The following ST6GAL2 variants were observed in gnomAD, a reference collection of about 807,000 sequenced individuals.
ST6GAL2 encodes the protein ST6 beta-galactoside alpha-2,6-sialyltransferase 2.
Under a neutral mutation model 37.5 loss-of-function variants are expected in ST6GAL2, and 24 were observed. The ratio of observed to expected loss-of-function variants is 0.64; its 90% CI spans 0.46 to 0.90. The LOEUF (loss-of-function observed/expected upper bound fraction) is 0.90. ST6GAL2 is among the 40% of genes least tolerant of loss of function. The pLI is 0.00. For missense variants in ST6GAL2, 715 were observed against 712.7 expected, an observed-to-expected ratio of 1.00 and a Z score of -0.04; for synonymous variants, 306 against 295.1, an observed-to-expected ratio of 1.04 and a Z score of -0.38.
intron 1 of ST6GAL2, among the ~76,000 whole-genome samples, chr2:106,858,489 T>C (rs1172066874): frequency 6.6e-6 from 1 of 152,170 alleles, no homozygotes; most frequent in Non-Finnish European, 1.5e-5. Context: ...TAATGTCAAT[T>C]CTTGGCTTTT....
intron 1 of ST6GAL2, among the ~76,000 whole-genome samples, chr2:106,851,941 T>C (rs566439022): frequency 1.3e-5 from 2 of 152,306 alleles, no homozygotes; most frequent in South Asian, 4.1e-4. Context: ...CCGTCACATA[T>C]CCAAGAAAAC....
At chr2:106,884,179 C>T (rs77467116) in intron 1 of ST6GAL2, among the ~76,000 whole-genome samples, 1 of 152,054 alleles carries the variant, frequency 6.6e-6, no homozygotes, top group African/African-American at 2.4e-5. Flanking sequence ...TTCAGCAGTC[C>T]CTTCGCTATT....
intron 1 of ST6GAL2, among the ~76,000 whole-genome samples, chr2:106,873,076 C>T (rs1340265194): frequency 6.6e-6 from 1 of 152,156 alleles, no homozygotes; most frequent in Non-Finnish European, 1.5e-5. Flanking sequence ...GGAAGAAATT[C>T]TGAAAATATA....
chr2:106,886,642 G>C (rs1459426475), upstream of ST6GAL2: 4 of 151,808 alleles, frequency 2.6e-5, no homozygotes, highest in Non-Finnish European at 5.9e-5. Context: ...ACGCACCGAG[G>C]CTGCGCCGCG....
chr2:106,803,952 C>T lies in ST6GAL2; in HGVS notation c.*2726G>A, dbSNP rs141486134. The T allele has an allele frequency of 6.6e-6, 1 of 152,154 alleles. No homozygotes were observed. The highest frequency in any genetic ancestry group is 1.9e-4 in the East Asian group (1 of 5,190). 9.4% of individuals were successfully genotyped at this position (152,154 alleles called of 1,614,324 possible). On this transcript the variant is annotated 3_prime_UTR_variant, in exon 6 of 6. Coordinates refer to ENST00000409382, the MANE Select transcript of ST6GAL2 (RefSeq NM_001142351.2). ...CCACTTAGGACCCATTTGGCTAATA[C>T]TAGAAGTAGTCATCAAGTTAACTGT...
upstream of ST6GAL2, chr2:106,886,520 T>G (rs1371714641): frequency 6.6e-6 from 1 of 151,642 alleles, no homozygotes; most frequent in Non-Finnish European, 1.5e-5. Context: ...GGCGGGAGGC[T>G]ACGCTCAGCC....
chr2:106,881,845 TTTC>T (rs1678763569), intron 1 of ST6GAL2, among the ~76,000 whole-genome samples: 1 of 152,226 alleles, frequency 6.6e-6, no homozygotes, highest in Admixed American at 6.5e-5. Flanking sequence ...TTGCAGAGTT[TTTC>T]TTTACAGTGT....
chr2:106,830,961 A>G (rs1676399280), intron 4 of ST6GAL2, among the ~76,000 whole-genome samples: 1 of 152,224 alleles, frequency 6.6e-6, no homozygotes, highest in African/African-American at 2.4e-5. Flanking sequence ...ATGAAAAATC[A>G]ATAAAGATGT....
At chr2:106,822,772 G>T (rs918874389) in intron 5 of ST6GAL2, among the ~76,000 whole-genome samples, 2 of 151,996 alleles carry the variant, frequency 1.3e-5, no homozygotes, top group African/African-American at 4.8e-5. Flanking sequence ...ATACTAGGTT[G>T]GTACAAAAGT....
rs756916800 is a variant in ST6GAL2 at position 106,843,734 on chromosome 2, G to C, written c.244C>G (p.Arg82Gly). Residue 82 changes from arginine to glycine, a missense_variant, in exon 2 of 6, where the codon CGC becomes GGC. Arg to Gly is a moderately radical substitution (Grantham distance 125). Coordinates refer to ENST00000409382, the MANE Select transcript of ST6GAL2 (RefSeq NM_001142351.2). Reference protein sequence around the residue: ...GGLDARQALPRAHPAGSFHAG... With the variant: ...GGLDARQALPGAHPAGSFHAG... ...TGAAAGGAACCGGCTGGGTGGGCGC[G>C]GGGCAGCGCCTGGCGTGCGTCCAGG... 2 of 1,612,212 alleles carry C rather than the reference G, an allele frequency of 1.2e-6. No individual in the cohort carries two copies. Among genetic ancestry groups the C allele is most frequent in the African/African-American group, 1.3e-5 (1 of 74,860 alleles).
At chr2:106,875,762 A>C (rs759475700) in intron 1 of ST6GAL2, among the ~76,000 whole-genome samples, 77 of 152,342 alleles carry the variant, frequency 5.1e-4, no homozygotes, top group Non-Finnish European at 9.6e-4. Flanking sequence ...GAATCTAATT[A>C]TATTATGTAG....
chr2:106,827,995 C>T (rs981909122), intron 5 of ST6GAL2, among the ~76,000 whole-genome samples: 6 of 152,160 alleles, frequency 3.9e-5, no homozygotes, highest in African/African-American at 1.4e-4. Context: ...ACTGCAGCCC[C>T]TTCTTCAGGT....
At position 106,843,848 on chromosome 2, in the gene ST6GAL2, A is replaced by T; in HGVS notation, c.130T>A (p.Ser44Thr). 1 of 1,612,204 alleles carries T rather than the reference A, an allele frequency of 6.2e-7. No individual in the cohort carries two copies. Among genetic ancestry groups the T allele is most frequent in the Non-Finnish European group, 8.5e-7 (1 of 1,179,704 alleles). Residue 44 changes from serine to threonine, a missense_variant, in exon 2 of 6, where the codon TCC becomes ACC. Ser to Thr is a moderately conservative substitution (Grantham distance 58). Around this residue, in one of 3 missense-constraint regions of ST6GAL2, gnomAD observed 512 missense variants for 488.8 expected, o/e 1.05. Coordinates refer to ENST00000409382, the MANE Select transcript of ST6GAL2 (RefSeq NM_001142351.2). ...NPAEPVPSSLSFLETRRLLPV... is the reference protein window; with the variant it reads ...NPAEPVPSSLTFLETRRLLPV... ...AGGAGCCTCCTGGTCTCCAGGAAGGAGAGGGAGCTGGGTACAGGCTCAGCG... is the reference window on the plus strand; with the variant it reads ...AGGAGCCTCCTGGTCTCCAGGAAGGTGAGGGAGCTGGGTACAGGCTCAGCG...
At chr2:106,828,710 G>A (rs1676297432) in intron 5 of ST6GAL2, among the ~76,000 whole-genome samples, 3 of 152,130 alleles carry the variant, frequency 2.0e-5, no homozygotes, top group African/African-American at 7.2e-5. Context: ...GAAAAGGGGT[G>A]TAAATTCATT....
At chr2:106,884,906 CATATATAT>C (rs772381082) in intron 1 of ST6GAL2, among the ~76,000 whole-genome samples, 6 of 76,496 alleles carry the variant, frequency 7.8e-5, no homozygotes, top group East Asian at 3.2e-4. Context: ...ATTTGCAGCG[CATATATAT>C]ATATATATAT....
At chr2:106,837,738 A>G (rs990681640) in intron 2 of ST6GAL2, among the ~76,000 whole-genome samples, 12 of 152,182 alleles carry the variant, frequency 7.9e-5, no homozygotes, top group Admixed American at 6.5e-5. Flanking sequence ...CTATTATTTG[A>G]CTAATAAATC....
At chr2:106,814,762 T>TGTC (rs1234947629) in intron 5 of ST6GAL2, among the ~76,000 whole-genome samples, 3 of 152,214 alleles carry the variant, frequency 2.0e-5, no homozygotes, top group Non-Finnish European at 4.4e-5. Context: ...TATAAAAATA[T>TGTC]GTCATTACGT....
At chr2:106,816,593 T>C (rs756517129) in intron 5 of ST6GAL2, among the ~76,000 whole-genome samples, 7 of 152,122 alleles carry the variant, frequency 4.6e-5, no homozygotes, top group Non-Finnish European at 1.0e-4. Context: ...AATATTAATT[T>C]AGAAATTTGA....
chr2:106,870,997 C>A (rs1200337518), intron 1 of ST6GAL2, among the ~76,000 whole-genome samples: 1 of 152,094 alleles, frequency 6.6e-6, no homozygotes, highest in African/African-American at 2.4e-5. Flanking sequence ...CATCCTTGGG[C>A]AATTTCATCG....
Sources: gnomAD v4.1 joint callset for allele counts (sites outside exome capture counted in the v4.1 genomes callset) on GRCh38, gnomAD v4.1.1 for gene constraint, gnomAD v4.1.1 regional missense constraint, MANE v1.5 for transcripts, NCBI Gene and HGNC (gene_info 2026-07-23, HGNC 2026-07-21) for gene names.